The following SORL1 variants were observed in gnomAD, a reference collection of about 807,000 sequenced individuals.
The protein encoded by SORL1 is sortilin-related receptor.
Under a neutral mutation model 273.7 loss-of-function variants are expected in SORL1, and 127 were observed. That is an observed-to-expected ratio of 0.46 (90% CI 0.40 to 0.54). SORL1 has a LOEUF of 0.54. Ranked by LOEUF, SORL1 falls within the 20% of genes least tolerant of loss-of-function variation. The probability of loss-of-function intolerance (pLI) is 0.00; values close to 1 mark genes in which losing one functional copy is unlikely to be tolerated. For synonymous variants in SORL1, 1,031 were observed against 1,067.4 expected, an observed-to-expected ratio of 0.97 and a Z score of 0.66; for missense variants, 2,494 against 2,846.1, an observed-to-expected ratio of 0.88 and a Z score of 2.81.
chr11:121,453,542 G>A (rs1309619034), intron 1 of SORL1, among the ~76,000 whole-genome samples: 2 of 151,880 alleles, frequency 1.3e-5, no homozygotes, highest in African/African-American at 2.4e-5. Context: ...GAAAAAGTAG[G>A]ACCAGAGGAG....
chr11:121,555,060 C>A (rs1396743675), intron 17 of SORL1, 127 bp from the exon 18 acceptor site: 1 of 1,022,296 alleles, frequency 9.8e-7, no homozygotes, highest in African/African-American at 1.6e-5. Flanking sequence ...GGAAAGTTTA[C>A]TAACGTAAAA....
chr11:121,605,052 T>A (rs1863448345), intron 33 of SORL1, 61 bp from the exon 34 acceptor site: 1 of 1,504,438 alleles, frequency 6.6e-7, no homozygotes, highest in African/African-American at 1.4e-5. Context: ...ATTACAGGCG[T>A]GAGCCACCAC....
intron 35 of SORL1, among the ~76,000 whole-genome samples, chr11:121,606,062 AT>A (rs1863468342): frequency 6.6e-6 from 1 of 152,174 alleles, no homozygotes; most frequent in African/African-American, 2.4e-5. Context: ...AGCTGAGACT[AT>A]AGGTGTGTGC....
intron 32 of SORL1, among the ~76,000 whole-genome samples, chr11:121,598,373 C>T (rs913799758): frequency 2.0e-5 from 3 of 152,102 alleles, no homozygotes; most frequent in Non-Finnish European, 4.4e-5. Context: ...GGGTTTTCCC[C>T]AGGATGACAG....
intron 6 of SORL1, among the ~76,000 whole-genome samples, chr11:121,512,117 T>C (rs1167042970): frequency 3.3e-5 from 5 of 152,222 alleles, no homozygotes; most frequent in Non-Finnish European, 7.3e-5. Context: ...TGGTGGACTT[T>C]CTTGAGAATC....
At chr11:121,558,021 A>T (rs981822205) in intron 19 of SORL1, among the ~76,000 whole-genome samples, 2 of 152,194 alleles carry the variant, frequency 1.3e-5, no homozygotes, top group South Asian at 4.1e-4. Context: ...TTATGAAAAA[A>T]ATTTGCATTC....
In SORL1 at chr11:121,555,948, G is replaced by A. The variant is rs190049043; in HGVS notation, c.2571+630G>A. Among the ~76,000 whole-genome samples the A allele has an allele frequency of 7.8e-4, 119 of 152,314 alleles. 1 individual carries two copies. Among genetic ancestry groups the A allele is most frequent in the Admixed American group, 6.8e-3 (104 of 15,306 alleles). ...CTGACTCTGCATGGAGAGACGGCATGTGGGTGAAGTGGGAAGTGCAGTAGA... is the reference window on the plus strand; with the variant it reads ...CTGACTCTGCATGGAGAGACGGCATATGGGTGAAGTGGGAAGTGCAGTAGA... On this transcript the variant is annotated intron_variant, in intron 18 of 47. Coordinates refer to ENST00000260197, the MANE Select transcript of SORL1 (RefSeq NM_003105.6).
At chr11:121,472,634 G>A (rs76770089) in intron 2 of SORL1, among the ~76,000 whole-genome samples, 4,744 of 152,240 alleles carry the variant, frequency 0.031, 245 homozygotes, top group African/African-American at 0.11. Context: ...CCCAACTCTT[G>A]CTCTCTCTGT....
intron 25 of SORL1, 52 bp downstream of exon 25, chr11:121,577,452 T>A: frequency 6.7e-7 from 1 of 1,497,950 alleles, no homozygotes. Context: ...ATGCAGTGGT[T>A]AACATTATAG....
rs1157777355 is a variant in SORL1, at chr11:121,550,717, AG to A, written c.2266+48del. On this transcript the variant is annotated intron_variant, in intron 16 of 47. Transcript: ENST00000260197. The surrounding 1 kb of genome is among the most constrained non-coding windows in gnomAD (Gnocchi z 5.3). ...CTTTCATTTCTTGAGACATGGTTGA[AG>A]CAGTATCACGATCTCACCCAAGTCC... 1 of 1,485,752 alleles carries A rather than the reference AG, an allele frequency of 6.7e-7. No individual in the cohort carries two copies. 92.0% of individuals were successfully genotyped at this position (1,485,752 alleles called of 1,614,324 possible).
At position 121,604,243 on chromosome 11, in the gene SORL1, G is replaced by T; in HGVS notation, c.4570G>T (p.Gly1524Trp). Reference sequence around the variant, plus strand: ...GAGCAGGGAGTTCCAGTGCGAGGACGGGGAGGCCTGCATTGTGCTCTCGGA... The same window carrying T: ...GAGCAGGGAGTTCCAGTGCGAGGACTGGGAGGCCTGCATTGTGCTCTCGGA... ...CMSREFQCED[G>W]EACIVLSERC... Residue 1524 changes from glycine to tryptophan, a missense_variant, in exon 33 of 48, where the codon GGG becomes TGG. Physicochemically the swap from Gly to Trp is radical, Grantham distance 184. This residue lies in a region of SORL1 where 1,609 missense variants were observed against 1,816.4 expected (regional missense o/e 0.89). Transcript: ENST00000260197. 6.2e-7 allele frequency: 1 copy of T among 1,614,142 alleles called. No homozygotes were observed. The highest frequency in any genetic ancestry group is 8.5e-7 in the Non-Finnish European group (1 of 1,180,034).
In SORL1 at chr11:121,520,797, A is replaced by G. The variant is rs1029575012; in HGVS notation, c.1352A>G (p.Glu451Gly). ...VITFDKGGTW[E>G]FLQAPAFTGY... is the part of the protein sequence containing the mutation. ...ACCTTTGACAAAGGGGGAACCTGGG[A>G]GTTTCTTCAGGCTCCAGCCTTCACG... Residue 451 changes from glutamate to glycine, a missense_variant, in exon 9 of 48, where the codon GAG becomes GGG. Glu to Gly is a moderately conservative substitution (Grantham distance 98, BLOSUM62 -2). This residue lies in a region of SORL1 where 710 missense variants were observed against 882.5 expected (regional missense o/e 0.80). Transcript: ENST00000260197. The G allele has an allele frequency of 6.2e-7, 1 of 1,612,062 alleles. No individual in the cohort carries two copies. The highest frequency in any genetic ancestry group is 8.5e-7 in the Non-Finnish European group (1 of 1,179,192).
chr11:121,529,162 T>A (rs76777603), intron 11 of SORL1, among the ~76,000 whole-genome samples: 2,233 of 152,330 alleles, frequency 0.015, 64 homozygotes, highest in African/African-American at 0.05. Flanking sequence ...TGTCTTAAAA[T>A]CTATTTTATC....
chr11:121,587,218 T>A (rs1863129459), intron 27 of SORL1, among the ~76,000 whole-genome samples: 1 of 152,164 alleles, frequency 6.6e-6, no homozygotes, highest in Non-Finnish European at 1.5e-5. Context: ...GATATGCATA[T>A]GTATATATAT....
intron 12 of SORL1, among the ~76,000 whole-genome samples, chr11:121,541,488 G>A (rs995406991): frequency 6.6e-6 from 1 of 152,146 alleles, no homozygotes; most frequent in Non-Finnish European, 1.5e-5. Flanking sequence ...GGGATTACAG[G>A]CATGTGCCAC....
chr11:121,521,649 A>T (rs765993653), intron 9 of SORL1, among the ~76,000 whole-genome samples: 2 of 152,238 alleles, frequency 1.3e-5, no homozygotes, highest in African/African-American at 2.4e-5. Context: ...CCTTGCAGGC[A>T]GAGAAGCATG....
chr11:121,538,099 A>G (rs937712525), intron 12 of SORL1, among the ~76,000 whole-genome samples: 2 of 152,122 alleles, frequency 1.3e-5, no homozygotes, highest in African/African-American at 4.8e-5. Flanking sequence ...TTTTGTCTTC[A>G]TGATTCTGAA....
At chr11:121,603,272 G>A (rs998036341) in intron 32 of SORL1, among the ~76,000 whole-genome samples, 2 of 152,214 alleles carry the variant, frequency 1.3e-5, no homozygotes, top group Non-Finnish European at 2.9e-5. Context: ...GATTTCTGAT[G>A]TAGCCCTTCC....
intron 1 of SORL1, among the ~76,000 whole-genome samples, chr11:121,459,555 C>T (rs75946604): frequency 0.011 from 1,631 of 152,314 alleles, 16 homozygotes; most frequent in Non-Finnish European, 0.016. Flanking sequence ...CAGTTGCCTC[C>T]TTCTGTCAGT....
Sources: allele counts gnomAD v4.1 joint callset (sites outside exome capture counted in the v4.1 genomes callset), GRCh38; gene constraint gnomAD v4.1.1; regional missense constraint gnomAD v4.1.1; non-coding constraint Gnocchi (gnomAD v3.1); transcripts MANE v1.5; gene names NCBI Gene and HGNC (gene_info 2026-07-23, HGNC 2026-07-21).